The following KCNIP1 variants were observed in gnomAD, a reference collection of about 807,000 sequenced individuals.
KCNIP1 encodes A-type potassium channel modulatory protein KCNIP1.
KCNIP1 carries 18 observed loss-of-function variants against 33.0 expected under a neutral mutation model. The observed-to-expected ratio is 0.55, with a 90% CI of 0.38 to 0.81. The LOEUF is 0.81. KCNIP1 is among the 30% of genes least tolerant of loss of function. KCNIP1 has a pLI of 0.00. For missense variants in KCNIP1, 238 were observed against 271.6 expected, an observed-to-expected ratio of 0.88 and a Z score of 0.87; for synonymous variants, 93 against 98.3, an observed-to-expected ratio of 0.95 and a Z score of 0.32.
exon 1 of KCNIP1, chr5:170,353,953 C>T (rs1234816010): frequency 6.2e-7 from 1 of 1,613,976 alleles, no homozygotes; most frequent in Non-Finnish European, 8.5e-7. Flanking sequence ...ATCACTGGGA[C>T]CCTCAGCAAA....
intron 1 of KCNIP1, among the ~76,000 whole-genome samples, chr5:170,705,308 C>T (rs970078637): frequency 2.6e-5 from 4 of 152,184 alleles, no homozygotes; most frequent in African/African-American, 7.2e-5. Context: ...CCATCTTCTC[C>T]CTGCCTCTGG....
At chr5:170,472,565 T>G (rs1756757091) in intron 1 of KCNIP1, among the ~76,000 whole-genome samples, 1 of 152,020 alleles carries the variant, frequency 6.6e-6, no homozygotes, top group Non-Finnish European at 1.5e-5. Context: ...TTGCAATCTT[T>G]TATCCCTCGC....
At chr5:170,429,949 C>T (rs1443788941) in intron 1 of KCNIP1, among the ~76,000 whole-genome samples, 1 of 152,192 alleles carries the variant, frequency 6.6e-6, no homozygotes, top group Non-Finnish European at 1.5e-5. Context: ...ATGAGGTAGA[C>T]CCAGGTATTT....
At chr5:170,449,894 T>C (rs974808008) in intron 1 of KCNIP1, among the ~76,000 whole-genome samples, 10 of 152,088 alleles carry the variant, frequency 6.6e-5, no homozygotes, top group African/African-American at 2.4e-4. Flanking sequence ...TAGGAAAAAT[T>C]ATAAAAATTA....
At chr5:170,571,612 T>C (rs967024677) in intron 1 of KCNIP1, among the ~76,000 whole-genome samples, 1 of 152,198 alleles carries the variant, frequency 6.6e-6, no homozygotes, top group Non-Finnish European at 1.5e-5. Context: ...ATTGTTGGGA[T>C]TCCTTTTACT....
chr5:170,385,400 G>C, intron 1 of KCNIP1: 1 of 1,614,064 alleles, frequency 6.2e-7, no homozygotes, highest in Non-Finnish European at 8.5e-7. Context: ...CCAGGCAAAG[G>C]GCTCGTGTCT....
intron 1 of KCNIP1, among the ~76,000 whole-genome samples, chr5:170,585,580 C>T (rs1757956238): frequency 6.6e-6 from 1 of 152,308 alleles, no homozygotes; most frequent in South Asian, 2.1e-4. Flanking sequence ...ACCTGCGAGC[C>T]TGTCAGCCCC....
At chr5:170,359,454 C>T (rs989572647) in intron 1 of KCNIP1, among the ~76,000 whole-genome samples, 2 of 152,158 alleles carry the variant, frequency 1.3e-5, no homozygotes, top group Non-Finnish European at 2.9e-5. Flanking sequence ...TTCAATGCTG[C>T]CCCTTGCTGG....
intron 1 of KCNIP1, among the ~76,000 whole-genome samples, chr5:170,360,522 T>C (rs1457610093): frequency 1.3e-5 from 2 of 152,320 alleles, no homozygotes; most frequent in East Asian, 3.9e-4. Context: ...CCCACCCTTC[T>C]TTTCTATGAT....
At chr5:170,618,458 GAAGAA>G (rs1202659273) in intron 1 of KCNIP1, among the ~76,000 whole-genome samples, 4 of 137,794 alleles carry the variant, frequency 2.9e-5, no homozygotes, top group Non-Finnish European at 6.2e-5. Flanking sequence ...AGAAAGGAAA[GAAGAA>G]AAGAAAGGAA....
At chr5:170,502,413 G>A (rs930881396), upstream of KCNIP1, among the ~76,000 whole-genome samples, 2 of 152,176 alleles carry the variant, frequency 1.3e-5, no homozygotes, top group South Asian at 4.1e-4. Flanking sequence ...TGGCATTAGG[G>A]GAAGCAGCTC....
At chr5:170,441,115 C>A (rs1278599630) in intron 1 of KCNIP1, among the ~76,000 whole-genome samples, 1 of 152,196 alleles carries the variant, frequency 6.6e-6, no homozygotes, top group Non-Finnish European at 1.5e-5. Flanking sequence ...TCCTTTAGTT[C>A]CTATAACTAA....
chr5:170,609,912 A>T lies in KCNIP1; in HGVS notation c.61+105279A>T, dbSNP rs1322343682. Reference sequence around the variant, plus strand: ...ACTTTGCTCATTCATTTAAGTCAGTAAATTGTGACAAATGGAAAAATGCAA... The same window carrying T: ...ACTTTGCTCATTCATTTAAGTCAGTTAATTGTGACAAATGGAAAAATGCAA... On this transcript the variant is annotated intron_variant, in intron 1 of 7. Coordinates refer to ENST00000328939, the MANE Select transcript of KCNIP1 (RefSeq NM_014592.4). Among the ~76,000 whole-genome samples, 3 of 152,230 alleles carry T rather than the reference A, an allele frequency of 2.0e-5. No individual in the cohort carries two copies. In the East Asian group the frequency reaches 5.8e-4, roughly 29 times the overall value.
At chr5:170,584,614 G>A (rs539086326) in intron 1 of KCNIP1, among the ~76,000 whole-genome samples, 6 of 152,300 alleles carry the variant, frequency 3.9e-5, no homozygotes, top group South Asian at 4.1e-4. Context: ...TGCACGAGGC[G>A]TGGAGGGGTG....
At chr5:170,648,819 G>A (rs1420290334) in intron 1 of KCNIP1, among the ~76,000 whole-genome samples, 1 of 152,140 alleles carries the variant, frequency 6.6e-6, no homozygotes, top group Non-Finnish European at 1.5e-5. Context: ...ATCCTGGTGT[G>A]GGATGTTGAT....
chr5:170,644,963 C>T (rs1257968581), intron 1 of KCNIP1, among the ~76,000 whole-genome samples: 1 of 152,218 alleles, frequency 6.6e-6, no homozygotes, highest in Non-Finnish European at 1.5e-5. Context: ...ACTGGCCTCT[C>T]TTGCCGCAAG....
intron 1 of KCNIP1, among the ~76,000 whole-genome samples, chr5:170,358,768 A>C (rs929030728): frequency 1.3e-5 from 2 of 152,150 alleles, no homozygotes; most frequent in Non-Finnish European, 2.9e-5. Flanking sequence ...TAGGGATTGC[A>C]ATCACCATTT....
At chr5:170,720,072 G>A (rs556471782) in intron 2 of KCNIP1, among the ~76,000 whole-genome samples, 1 of 152,310 alleles carries the variant, frequency 6.6e-6, no homozygotes, top group South Asian at 2.1e-4. Flanking sequence ...GCTGAGCCAG[G>A]ATTTAAACCC....
At chr5:170,731,586 T>G (rs1481435892) in intron 5 of KCNIP1, among the ~76,000 whole-genome samples, 1 of 151,680 alleles carries the variant, frequency 6.6e-6, no homozygotes, top group East Asian at 1.9e-4. Context: ...TCCCAGCTAC[T>G]TGAGAGGCTG....
Sources: gnomAD v4.1 joint callset for allele counts (sites outside exome capture counted in the v4.1 genomes callset) on GRCh38, gnomAD v4.1.1 for gene constraint, MANE v1.5 for transcripts, NCBI Gene and HGNC (gene_info 2026-07-23, HGNC 2026-07-21) for gene names.